CHEK2: variants seen among roughly 807,000 people sequenced by gnomAD.
The protein encoded by CHEK2 is serine/threonine-protein kinase Chk2.
In CHEK2, 71 loss-of-function variants were observed where a neutral mutation model predicts 69.1. The observed-to-expected ratio is 1.03, with a 90% CI of 0.85 to 1.25. The LOEUF is 1.25. Ranked by LOEUF, CHEK2 falls within the 50% of genes most tolerant of loss-of-function variation. CHEK2 has a pLI of 0.00. For missense variants in CHEK2, 664 were observed against 649.6 expected, an observed-to-expected ratio of 1.02 and a Z score of -0.24; for synonymous variants, 189 against 226.9, an observed-to-expected ratio of 0.83 and a Z score of 1.50.
At chr22:28,718,858 T>C (rs1485079503) in intron 5 of CHEK2, among the ~76,000 whole-genome samples, 2 of 149,668 alleles carry the variant, frequency 1.3e-5, no homozygotes, top group South Asian at 2.1e-4. Flanking sequence ...CTCCAGCCTG[T>C]GCAACAGAGC....
In CHEK2 at chr22:28,741,758, A is replaced by T. The variant is rs1057523966; in HGVS notation, c.-7+11T>A. On this transcript the variant is annotated intron_variant, in intron 1 of 14. Transcript: ENST00000404276. ...ACCAAACACCCAACAGAAGTTCCCC[A>T]TATGACTCACCGCGTGAGCCCACCT... 9.6e-6 allele frequency: 4 copies of T among 415,010 alleles called. No homozygotes were observed. Among genetic ancestry groups the T allele is most frequent in the South Asian group, 2.6e-5 (1 of 39,178 alleles). 25.7% of individuals were successfully genotyped at this position (415,010 alleles called of 1,614,324 possible). A position where few individuals can be genotyped will look rare whatever the true frequency, so the allele number is the denominator to read the frequency against.
intron 5 of CHEK2, among the ~76,000 whole-genome samples, chr22:28,714,515 T>G (rs367689931): frequency 8.5e-5 from 13 of 152,218 alleles, no homozygotes; most frequent in African/African-American, 3.1e-4. Flanking sequence ...AGTTCTAAGA[T>G]GTCTTTATCT....
rs943282278 is a variant in CHEK2 at position 28,704,553 on chromosome 22, G to A, written c.847-987C>T. 3.1e-4 allele frequency among the ~76,000 whole-genome samples: 47 copies of A among 152,024 alleles called. 1 individual carries two copies. Among genetic ancestry groups the A allele is most frequent in the Admixed American group, 3.0e-3 (46 of 15,250 alleles). On this transcript the variant is annotated intron_variant, in intron 7 of 14. Transcript: ENST00000404276. ...TCACCATGTTGGCCAGGTTCGTCTT[G>A]AACTCCTGGCCTCAAGTGATCCACC...
intron 8 of CHEK2, among the ~76,000 whole-genome samples, chr22:28,700,786 C>CTTTA (rs200570471): frequency 0.011 from 1,623 of 152,024 alleles, 23 homozygotes; most frequent in African/African-American, 0.036. Context: ...AAGGTTATTC[C>CTTTA]TTTATTTATT....
chr22:28,737,341 A>G, intron 1 of CHEK2: 1 of 462,876 alleles, frequency 2.2e-6, no homozygotes, highest in South Asian at 1.6e-5. Flanking sequence ...GTAAAAGGAA[A>G]CACTTTACAG....
At chr22:28,717,337 C>T (rs2053619830) in intron 5 of CHEK2, among the ~76,000 whole-genome samples, 2 of 152,076 alleles carry the variant, frequency 1.3e-5, no homozygotes, top group Admixed American at 6.6e-5. Flanking sequence ...GAGATCGTGC[C>T]ACTGCACTCC....
At chr22:28,731,209 A>G (rs1241146897) in intron 2 of CHEK2, among the ~76,000 whole-genome samples, 4 of 148,578 alleles carry the variant, frequency 2.7e-5, no homozygotes, top group Admixed American at 6.6e-5. Context: ...TCTCAAAATA[A>G]ACAAACAAAC....
chr22:28,713,421 G>A (rs28846498), intron 5 of CHEK2, among the ~76,000 whole-genome samples: 40,071 of 147,942 alleles, frequency 0.27, 6,818 homozygotes, highest in Middle Eastern at 0.44. Flanking sequence ...GTGCAGTGGC[G>A]TGATCTCGGC....
chr22:28,701,778 A>G (rs1381078812), intron 8 of CHEK2, among the ~76,000 whole-genome samples: 1 of 152,182 alleles, frequency 6.6e-6, no homozygotes, highest in Non-Finnish European at 1.5e-5. Context: ...CTGGATTGAA[A>G]GGACCCGCAT....
intron 1 of CHEK2, among the ~76,000 whole-genome samples, chr22:28,740,908 C>T (rs1018435166): frequency 1.3e-5 from 2 of 152,054 alleles, no homozygotes; most frequent in African/African-American, 2.4e-5. Context: ...GTAATCCCAG[C>T]ACTTTGGGAG....
intron 1 of CHEK2, among the ~76,000 whole-genome samples, chr22:28,739,507 T>C (rs2054501287): frequency 6.6e-6 from 1 of 151,468 alleles, no homozygotes; most frequent in Non-Finnish European, 1.5e-5. Context: ...CTGGCCAACA[T>C]GGTGAAACCT....
rs1057521735 is a variant in CHEK2 at position 28,696,991 on chromosome 22, C to T, written c.1009-4G>A. 6.3e-7 allele frequency: 1 copy of T among 1,596,144 alleles called. No homozygotes were observed. Among genetic ancestry groups the T allele is most frequent in the Non-Finnish European group, 8.6e-7 (1 of 1,163,840 alleles). On this transcript the variant is annotated splice_polypyrimidine_tract_variant and splice_region_variant and intron_variant, in intron 9 of 14. Coordinates refer to ENST00000404276, the MANE Select transcript of CHEK2 (RefSeq NM_007194.4). ...TAATACCGTTTTCATGAAGGTACTA[C>T]ACAGAAAGGCAGGCATGACCCTCAG... is the stretch of plus-strand genomic sequence containing the variant.
rs2146072688 is a variant in CHEK2, at chr22:28,725,386, C to T, written c.320-19G>A. ...ACACATTCTGTAATATAAAAGCATG[C>T]ATCAGAGGGCTGTTGAATTTCATGT... On this transcript the variant is annotated intron_variant, in intron 2 of 14. Transcript: ENST00000404276. 1 of 1,613,944 alleles carries T rather than the reference C, an allele frequency of 6.2e-7. No individual in the cohort carries two copies. Among genetic ancestry groups the T allele is most frequent in the Non-Finnish European group, 8.5e-7 (1 of 1,179,960 alleles).
chr22:28,714,318 T>C (rs1226731887), intron 5 of CHEK2, among the ~76,000 whole-genome samples: 3 of 152,188 alleles, frequency 2.0e-5, no homozygotes, highest in Non-Finnish European at 4.4e-5. Flanking sequence ...TAATGACTAA[T>C]GATATTCAGC....
chr22:28,730,046 T>C (rs982025965), intron 2 of CHEK2, among the ~76,000 whole-genome samples: 3 of 150,634 alleles, frequency 2.0e-5, no homozygotes, highest in African/African-American at 7.3e-5. Context: ...GGTTTCACCA[T>C]GTTGGCCAGG....
chr22:28,717,733 TG>T (rs1017736360), intron 5 of CHEK2, among the ~76,000 whole-genome samples: 2 of 151,266 alleles, frequency 1.3e-5, no homozygotes, highest in Admixed American at 6.6e-5. Flanking sequence ...AAAAATTAGC[TG>T]GGTGTGTGGT....
chr22:28,698,561 A>C (rs1425285491), intron 9 of CHEK2, among the ~76,000 whole-genome samples: 1 of 152,134 alleles, frequency 6.6e-6, no homozygotes, highest in Non-Finnish European at 1.5e-5. Flanking sequence ...ATCAATCATA[A>C]AAAAATTTCT....
At chr22:28,692,470 T>TG (rs1350499711) in intron 13 of CHEK2, among the ~76,000 whole-genome samples, 18 of 114,666 alleles carry the variant, frequency 1.6e-4, no homozygotes, top group East Asian at 8.3e-4. Context: ...TATATGTCTT[T>TG]TTTTGTTTGT....
intron 13 of CHEK2, among the ~76,000 whole-genome samples, chr22:28,692,822 G>A (rs1319393057): frequency 6.7e-6 from 1 of 150,140 alleles, no homozygotes; most frequent in Admixed American, 6.7e-5. Context: ...TGGCTCATGG[G>A]GGCAGTTTCC....
Sources: allele counts gnomAD v4.1 joint callset (sites outside exome capture counted in the v4.1 genomes callset), GRCh38; gene constraint gnomAD v4.1.1; transcripts MANE v1.5; gene names NCBI Gene and HGNC (gene_info 2026-07-23, HGNC 2026-07-21).